CHST9: variants seen among roughly 807,000 people sequenced by gnomAD.
CHST9 encodes carbohydrate sulfotransferase 9.
A neutral mutation model predicts 44.4 loss-of-function variants in CHST9; 41 were observed. The observed-to-expected ratio is 0.92, with a 90% confidence interval of 0.72 to 1.20. The LOEUF is 1.20. CHST9 is among the 50% of genes most tolerant of loss of function. The pLI, the probability that CHST9 is intolerant of heterozygous loss-of-function variation, is 0.00. For missense variants in CHST9, 504 were observed against 516.5 expected, an observed-to-expected ratio of 0.98 and a Z score of 0.23; for synonymous variants, 171 against 178.4, an observed-to-expected ratio of 0.96 and a Z score of 0.33.
chr18:27,128,127 A>G (rs1238277571), intron 2 of CHST9, among the ~76,000 whole-genome samples: 1 of 152,198 alleles, frequency 6.6e-6, no homozygotes. Flanking sequence ...CACAATCTAC[A>G]GTTGCCATAT....
chr18:27,149,609 T>TC (rs1049198784), intron 1 of CHST9, among the ~76,000 whole-genome samples: 4 of 151,676 alleles, frequency 2.6e-5, no homozygotes, highest in African/African-American at 9.7e-5. Context: ...CTTTTTTTTT[T>TC]TTTTCTTTTT....
chr18:26,998,616 C>T (rs1568126697), intron 4 of CHST9, among the ~76,000 whole-genome samples: 1 of 151,642 alleles, frequency 6.6e-6, no homozygotes, highest in African/African-American at 2.4e-5. Context: ...ATCCCAGCTA[C>T]TTGGGAGGCT....
At chr18:27,069,979 T>C (rs1030538422) in intron 2 of CHST9, among the ~76,000 whole-genome samples, 1 of 152,206 alleles carries the variant, frequency 6.6e-6, no homozygotes, top group Non-Finnish European at 1.5e-5. Context: ...TTAGCAACAG[T>C]GCCTTGAACA....
chr18:27,029,460 T>G (rs928463718), intron 3 of CHST9, among the ~76,000 whole-genome samples: 1 of 151,804 alleles, frequency 6.6e-6, no homozygotes, highest in African/African-American at 2.4e-5. Flanking sequence ...GAACCAAGGG[T>G]GGGATAAAGC....
chr18:26,951,561 GT>G (rs57277860), intron 4 of CHST9, among the ~76,000 whole-genome samples: 27,596 of 150,838 alleles, frequency 0.18, 2,616 homozygotes, highest in East Asian at 0.24. Context: ...AAGTCTTTTT[GT>G]TTTTTTTTTG....
rs561276479 is a variant in CHST9 at position 26,987,543 on chromosome 18, T to C, written c.202+36573A>G. Among the ~76,000 whole-genome samples the C allele has an allele frequency of 1.2e-3, 180 of 152,316 alleles. 2 individuals carry two copies. The South Asian group carries it at 0.025, about 21-fold the overall frequency. ...TAATAATAATGTATTGTGGGATTTA[T>C]GGTATATAAAAATAAAATATATGAC... On this transcript the variant is annotated intron_variant, in intron 4 of 5. Coordinates refer to ENST00000618847, the MANE Select transcript of CHST9 (RefSeq NM_031422.6).
chr18:27,129,001 T>C (rs971243358), intron 2 of CHST9, among the ~76,000 whole-genome samples: 1 of 152,160 alleles, frequency 6.6e-6, no homozygotes, highest in Admixed American at 6.5e-5. Flanking sequence ...GGGCTTTCAG[T>C]AGGGAAGGAG....
At chr18:26,963,574 A>T (rs63425763) in intron 4 of CHST9, among the ~76,000 whole-genome samples, 1 of 68,554 alleles carries the variant, frequency 1.5e-5, no homozygotes, top group Non-Finnish European at 2.6e-5. Context: ...AAGGAGTATT[A>T]AAAAAAAAAA....
intron 2 of CHST9, among the ~76,000 whole-genome samples, chr18:27,099,884 C>T (rs895144251): frequency 2.6e-5 from 4 of 151,816 alleles, no homozygotes; most frequent in African/African-American, 7.3e-5. Flanking sequence ...GGCTATATAC[C>T]CAAAAGAAAA....
chr18:26,958,458 C>CA (rs111675236), intron 4 of CHST9, among the ~76,000 whole-genome samples: 18,055 of 123,376 alleles, frequency 0.15, 2,179 homozygotes, highest in African/African-American at 0.35. Flanking sequence ...AAAGTAACTG[C>CA]AAAAAAAAAA....
intron 5 of CHST9, among the ~76,000 whole-genome samples, chr18:26,943,150 T>C (rs1178507920): frequency 6.6e-6 from 1 of 152,312 alleles, no homozygotes; most frequent in East Asian, 1.9e-4. Flanking sequence ...AATGAACTAT[T>C]TGAAATGGCC....
chr18:27,073,394 C>A (rs1457326199), intron 2 of CHST9, among the ~76,000 whole-genome samples: 4 of 103,706 alleles, frequency 3.9e-5, no homozygotes, highest in African/African-American at 1.6e-4. Context: ...TAGCGCCCAG[C>A]TGATGGGGGT....
Position 26,916,198 on chromosome 18 carries a change from T to G in CHST9, c.*61A>C, listed in dbSNP as rs181527568. 1,809 of 1,254,688 alleles carry G rather than the reference T, an allele frequency of 1.4e-3. 5 individuals are homozygous for G. The highest frequency in any genetic ancestry group is 1.9e-3 in the Non-Finnish European group (1,698 of 901,192). The allele number at this position is 1,254,688 out of a possible 1,614,324, so 77.7% of individuals were successfully genotyped here. A position where few individuals can be genotyped will look rare whatever the true frequency, so the allele number is the denominator to read the frequency against. The stretch of plus-strand genomic sequence containing the variant: ...GTCATACAGAGAATTATAGAAAAAT[T>G]ACAGCTGATTTGAACTTATCATCAT... On this transcript the variant is annotated 3_prime_UTR_variant, in exon 6 of 6. Coordinates refer to ENST00000618847, the MANE Select transcript of CHST9 (RefSeq NM_031422.6).
intron 2 of CHST9, among the ~76,000 whole-genome samples, chr18:27,127,692 C>T (rs187921225): frequency 1.3e-4 from 20 of 152,058 alleles, no homozygotes; most frequent in East Asian, 3.9e-4. Context: ...ATTACAGAAA[C>T]GACAAAGCAA....
chr18:26,990,157 A>ACC (rs2056799868), intron 4 of CHST9, among the ~76,000 whole-genome samples: 1 of 152,158 alleles, frequency 6.6e-6, no homozygotes. Flanking sequence ...ATGAGTACAT[A>ACC]CCATATGATT....
At chr18:27,107,624 A>G (rs1313374902) in intron 2 of CHST9, among the ~76,000 whole-genome samples, 2 of 152,196 alleles carry the variant, frequency 1.3e-5, no homozygotes, top group African/African-American at 4.8e-5. Flanking sequence ...AGCATCTGTT[A>G]ACAGCTCTGG....
intron 3 of CHST9, among the ~76,000 whole-genome samples, chr18:27,039,817 A>T (rs11665093): frequency 0.39 from 59,879 of 152,030 alleles, 12,207 homozygotes; most frequent in East Asian, 0.5. Context: ...ATATTTGCTT[A>T]TCTATATGTC....
At chr18:27,041,941 G>T (rs540050585) in intron 3 of CHST9, among the ~76,000 whole-genome samples, 9 of 152,004 alleles carry the variant, frequency 5.9e-5, no homozygotes, top group Admixed American at 5.9e-4. Context: ...ATATTGTTCC[G>T]AAACCATAAA....
chr18:26,943,891 A>C (rs976153784), intron 5 of CHST9, among the ~76,000 whole-genome samples: 5 of 152,234 alleles, frequency 3.3e-5, no homozygotes, highest in African/African-American at 1.2e-4. Context: ...AACTTGTGGT[A>C]TATAGGGGGC....
Sources: allele counts gnomAD v4.1 joint callset (sites outside exome capture counted in the v4.1 genomes callset), GRCh38; gene constraint gnomAD v4.1.1; transcripts MANE v1.5; gene names NCBI Gene and HGNC (gene_info 2026-07-23, HGNC 2026-07-21).